Variants in HSPBAP1 observed in about 807,000 individuals in gnomAD.
HSPBAP1 encodes HSPB1-associated protein 1.
Under a neutral mutation model 45.2 loss-of-function variants are expected in HSPBAP1, and 27 were observed. The observed-to-expected ratio is 0.60, with a 90% CI of 0.44 to 0.82. The LOEUF (loss-of-function observed/expected upper bound fraction) is 0.82, where lower values mean the gene tolerates loss of function less well. HSPBAP1 is among the 40% of genes least tolerant of loss of function. The probability of loss-of-function intolerance (pLI) is 0.00; values close to 1 mark genes in which losing one functional copy is unlikely to be tolerated. For missense variants in HSPBAP1, 510 were observed against 590.9 expected (o/e 0.86, Z 1.42); for synonymous variants, 204 against 202.7 (o/e 1.01, Z -0.06).
At chr3:122,767,923 G>A (rs912569694) in intron 3 of HSPBAP1, among the ~76,000 whole-genome samples, 5 of 152,080 alleles carry the variant, frequency 3.3e-5, no homozygotes, top group Non-Finnish European at 7.4e-5. Context: ...CAGGAAGAAG[G>A]ACTCTGGAGC....
chr3:122,763,241 C>T (rs1934661325), intron 3 of HSPBAP1, among the ~76,000 whole-genome samples: 1 of 152,146 alleles, frequency 6.6e-6, no homozygotes, highest in South Asian at 2.1e-4. Context: ...AACTAACCTG[C>T]AGTGACAGAA....
At chr3:122,773,106 C>T (rs1252331903) in intron 2 of HSPBAP1, among the ~76,000 whole-genome samples, 1 of 151,992 alleles carries the variant, frequency 6.6e-6, no homozygotes, top group Non-Finnish European at 1.5e-5. Flanking sequence ...CTGTCTAGGC[C>T]TCCTACAGTG....
intron 3 of HSPBAP1, among the ~76,000 whole-genome samples, chr3:122,761,017 G>A (rs1284923055): frequency 1.3e-5 from 2 of 152,126 alleles, no homozygotes; most frequent in Non-Finnish European, 2.9e-5. Flanking sequence ...TCTGACACAA[G>A]TATGCAGGGA....
rs1560101091 is a variant in HSPBAP1, at chr3:122,740,819, T to C, written c.993A>G (p.Ala331=). 1.2e-6 allele frequency: 2 copies of C among 1,614,132 alleles called. No individual in the cohort carries two copies. Among genetic ancestry groups the C allele is most frequent in the Non-Finnish European group, 1.7e-6 (2 of 1,180,044 alleles). ...NCCYLNAAVS[A]FFDRCRTSEV... ...CAGATGTTCTGCAGCGATCAAAAAA[T>C]GCAGAAACAGCTGCATTTAAGTAGC... Residue 331 remains alanine (A), a synonymous_variant, in exon 8 of 8, where the codon GCA becomes GCG. Transcript: ENST00000306103.
intron 1 of HSPBAP1, among the ~76,000 whole-genome samples, chr3:122,791,402 T>C (rs1935825814): frequency 6.6e-6 from 1 of 152,254 alleles, no homozygotes; most frequent in South Asian, 2.1e-4. Context: ...GCCTCTGGAC[T>C]TGGCATGGAG....
intron 1 of HSPBAP1, among the ~76,000 whole-genome samples, chr3:122,782,267 AT>A (rs902489279): frequency 7.9e-5 from 12 of 152,292 alleles, no homozygotes; most frequent in African/African-American, 2.6e-4. Flanking sequence ...GGGAAATATT[AT>A]TTTTATTGCA....
In HSPBAP1 at chr3:122,740,944, G is replaced by T; in HGVS notation, c.936+59C>A. The T allele has an allele frequency of 1.9e-6, 3 of 1,606,546 alleles. No homozygotes were observed. The East Asian group carries it at 6.7e-5, about 36-fold the overall frequency. On this transcript the variant is annotated intron_variant, in intron 7 of 7. Coordinates refer to ENST00000306103, the MANE Select transcript of HSPBAP1 (RefSeq NM_024610.6). ...GTTACACTGGAAAACATATGTTCTAGTCAGGGCTGGTTTACCACAGGAAAC... is the reference window on the plus strand; with the variant it reads ...GTTACACTGGAAAACATATGTTCTATTCAGGGCTGGTTTACCACAGGAAAC...
At chr3:122,769,605 T>C (rs2107523960) in intron 2 of HSPBAP1, among the ~76,000 whole-genome samples, 1 of 152,372 alleles carries the variant, frequency 6.6e-6, no homozygotes, top group South Asian at 2.1e-4. Flanking sequence ...ATGAAATCCT[T>C]TCAGGATGTG....
intron 6 of HSPBAP1, among the ~76,000 whole-genome samples, 200 bp downstream of exon 6, chr3:122,752,391 A>G (rs1934184968): frequency 2.0e-5 from 3 of 152,176 alleles, no homozygotes; most frequent in Admixed American, 2.0e-4. Flanking sequence ...AGAGTGGCAC[A>G]CCACTAAAAT....
At chr3:122,769,557 A>G (rs1490497444) in intron 2 of HSPBAP1, among the ~76,000 whole-genome samples, 3 of 152,282 alleles carry the variant, frequency 2.0e-5, no homozygotes, top group Admixed American at 6.5e-5. Context: ...GAGGAAGTTA[A>G]TATTTAAGAA....
chr3:122,793,785 A>G lies in HSPBAP1; in HGVS notation c.-105T>C. ...GACCCGAAGCTGCACCACAGGAAGG[A>G]GCCCCGGCGACTCCCGCCCGGCTCC... On this transcript the variant is annotated 5_prime_UTR_variant, in exon 1 of 8. Transcript: ENST00000306103. 9 of 974,212 alleles carry G rather than the reference A, an allele frequency of 9.2e-6. No homozygotes were observed. Among genetic ancestry groups the G allele is most frequent in the Non-Finnish European group, 1.4e-5 (9 of 645,726 alleles). 60.3% of individuals were successfully genotyped at this position (974,212 alleles called of 1,614,324 possible).
intron 1 of HSPBAP1, among the ~76,000 whole-genome samples, chr3:122,791,912 G>A (rs1248275763): frequency 6.6e-6 from 1 of 152,188 alleles, no homozygotes; most frequent in East Asian, 1.9e-4. Flanking sequence ...GTGGAGAAGG[G>A]ATTAGAGGGG....
chr3:122,768,953 A>G, intron 2 of HSPBAP1, 71 bp from the exon 3 acceptor site: 2 of 1,105,046 alleles, frequency 1.8e-6, no homozygotes, highest in South Asian at 3.6e-5. Context: ...TTTTTTTAAA[A>G]TAAAGATAAT....
At position 122,768,778 on chromosome 3, in the gene HSPBAP1, C is replaced by G. The variant is rs2107523168; in HGVS notation, c.355G>C (p.Asp119His). Residue 119 changes from aspartate to histidine, a missense_variant, in exon 3 of 8, where the codon GAC becomes CAC. Transcript: ENST00000306103. ...GCATAAGCCCAGAACTTGGAATGGT[C>G]ATAATCTCTAAATGGTCCAGAAATA... Reference protein sequence around the residue: ...SSISGPFRDYDHSKFWAYADY... With the variant: ...SSISGPFRDYHHSKFWAYADY... 1 of 1,612,204 alleles carries G rather than the reference C, an allele frequency of 6.2e-7. No homozygotes were observed. The highest frequency in any genetic ancestry group is 1.3e-5 in the African/African-American group (1 of 74,984).
intron 1 of HSPBAP1, among the ~76,000 whole-genome samples, chr3:122,780,839 G>T (rs1161049380): frequency 7.0e-6 from 1 of 143,764 alleles, no homozygotes. Flanking sequence ...CTTCTCAGAC[G>T]GGGCGGCCGG....
rs1302960107 is a variant in HSPBAP1 at position 122,755,248 on chromosome 3, A to G, written c.741+12T>C. On this transcript the variant is annotated intron_variant, in intron 5 of 7. Transcript: ENST00000306103. The stretch of plus-strand genomic sequence containing the variant: ...CCCCTGGCAGGTCATTAATGTTTTA[A>G]AGCCCTATTACCTGTCCTGGGCTCA... 1.3e-6 allele frequency: 2 copies of G among 1,521,548 alleles called. No individual in the cohort carries two copies. The highest frequency in any genetic ancestry group is 1.8e-6 in the Non-Finnish European group (2 of 1,137,202). The allele number at this position is 1,521,548 out of a possible 1,614,324, so 94.3% of individuals were successfully genotyped here.
intron 6 of HSPBAP1, 120 bp from the exon 7 acceptor site, chr3:122,741,233 A>G: frequency 6.6e-6 from 5 of 756,558 alleles, no homozygotes; most frequent in Non-Finnish European, 1.1e-5. Context: ...TTATAGAAGG[A>G]ATGAATATGC....
chr3:122,760,241 G>A (rs969349025), intron 3 of HSPBAP1, among the ~76,000 whole-genome samples: 1 of 149,790 alleles, frequency 6.7e-6, no homozygotes, highest in Admixed American at 6.7e-5. Flanking sequence ...CCAAATCCAT[G>A]TGATTAAACA....
intron 1 of HSPBAP1, among the ~76,000 whole-genome samples, chr3:122,779,826 A>T (rs1935346623): frequency 6.6e-6 from 1 of 152,036 alleles, no homozygotes; most frequent in South Asian, 2.1e-4. Flanking sequence ...GGTTGGGGGT[A>T]AGGTCACAGA....
Sources: gnomAD v4.1 joint callset for allele counts (sites outside exome capture counted in the v4.1 genomes callset) on GRCh38, gnomAD v4.1.1 for gene constraint, MANE v1.5 for transcripts, NCBI Gene and HGNC (gene_info 2026-07-23, HGNC 2026-07-21) for gene names.